Variants in CHD6 observed in about 807,000 individuals in gnomAD.
The protein encoded by CHD6 is ATP-dependent chromatin remodeler CHD6.
CHD6 carries 50 observed loss-of-function variants against 276.9 expected under a neutral mutation model. The observed-to-expected ratio is 0.18, with a 90% CI of 0.14 to 0.23. CHD6 has a LOEUF of 0.23. Ranked by LOEUF, CHD6 falls within the 10% of genes least tolerant of loss-of-function variation. CHD6 has a pLI of 1.00. For synonymous variants in CHD6, 1,173 were observed against 1,229.3 expected (o/e 0.95, Z 0.96); for missense variants, 2,564 against 3,365.8 (o/e 0.76, Z 5.89).
chr20:41,547,833 T>C (rs2045072738), intron 2 of CHD6: 1 of 454,278 alleles, frequency 2.2e-6, no homozygotes, highest in Non-Finnish European at 4.3e-6. Flanking sequence ...GACTGACTAC[T>C]GCCCAGTCTG....
intron 1 of CHD6, among the ~76,000 whole-genome samples, chr20:41,591,373 T>TACACAC (rs1436245685): frequency 2.5e-5 from 3 of 120,078 alleles, no homozygotes. Context: ...TACATATATA[T>TACACAC]ATATATACAC....
Position 41,415,279 on chromosome 20 carries a change from T to G in CHD6, c.6846A>C (p.Ala2282=). The change falls in exon 34 of 37, where the codon GCA becomes GCC. Residue 2282 remains alanine (A), a synonymous_variant. Transcript: ENST00000373233. ...IVNGSLRRDD[A]ATRRRRGRRK... ...GCCTCCCTCTCCGCCTCCTCGTGGC[T>G]GCATCATCTCTTCTGAGGCTTCCAT... 1.2e-6 allele frequency: 2 copies of G among 1,614,214 alleles called. No individual in the cohort carries two copies. The highest frequency in any genetic ancestry group is 1.1e-5 in the South Asian group (1 of 91,084).
At chr20:41,612,327 CTT>C (rs2146309261) in intron 1 of CHD6, among the ~76,000 whole-genome samples, 2 of 152,272 alleles carry the variant, frequency 1.3e-5, no homozygotes, top group East Asian at 3.9e-4. Context: ...TTAATGACCT[CTT>C]TCATATCCTC....
chr20:41,515,875 G>C (rs74586053), intron 3 of CHD6, among the ~76,000 whole-genome samples: 1 of 152,172 alleles, frequency 6.6e-6, no homozygotes, highest in Admixed American at 6.5e-5. Context: ...TGCATAGTAA[G>C]TATTCAATTA....
chr20:41,545,758 G>A (rs2045027551), intron 2 of CHD6, among the ~76,000 whole-genome samples: 1 of 152,008 alleles, frequency 6.6e-6, no homozygotes, highest in African/African-American at 2.4e-5. Context: ...CCACACACTA[G>A]GCCTTTCCTT....
intron 5 of CHD6, among the ~76,000 whole-genome samples, chr20:41,511,425 T>TC (rs111705800): frequency 6.6e-6 from 1 of 152,076 alleles, no homozygotes; most frequent in Non-Finnish European, 1.5e-5. Flanking sequence ...CCTCTTTTTT[T>TC]CAACATTTAA....
chr20:41,461,386 G>C (rs879933697), intron 17 of CHD6, among the ~76,000 whole-genome samples: 8 of 152,128 alleles, frequency 5.3e-5, no homozygotes, highest in Non-Finnish European at 1.0e-4. Flanking sequence ...AACTTGAATT[G>C]TATCTCCCAG....
At position 41,404,979 on chromosome 20, in the gene CHD6, G is replaced by A; in HGVS notation, c.7762C>T (p.Pro2588Ser). The A allele has an allele frequency of 1.2e-6, 2 of 1,614,214 alleles. No homozygotes were observed. The highest frequency in any genetic ancestry group is 1.1e-5 in the South Asian group (1 of 91,088). The change falls in exon 37 of 37, where the codon CCT (proline) becomes TCT (serine). Residue 2588 changes from proline to serine, a missense_variant. Coordinates refer to ENST00000373233, the MANE Select transcript of CHD6 (RefSeq NM_032221.5). Reference protein sequence around the residue: ...VKTDTLAEDKPGPGPFSDQSE... With the variant: ...VKTDTLAEDKSGPGPFSDQSE... ...TGATCAGAAAATGGACCTGGACCAG[G>A]CTTGTCCTCAGCTAAAGTGTCTGTT...
intron 1 of CHD6, among the ~76,000 whole-genome samples, chr20:41,577,376 G>T: frequency 6.6e-6 from 1 of 152,144 alleles, no homozygotes; most frequent in East Asian, 1.9e-4. Flanking sequence ...AGAGTCCAAA[G>T]GTCAGAGTGG....
At chr20:41,519,944 C>G (rs567220451) in intron 3 of CHD6, among the ~76,000 whole-genome samples, 4 of 152,106 alleles carry the variant, frequency 2.6e-5, no homozygotes, top group Admixed American at 1.3e-4. Context: ...GGCTAATATC[C>G]AGAATCAGCA....
At position 41,522,675 on chromosome 20, in the gene CHD6, A is replaced by C. The variant is rs558862110; in HGVS notation, c.555-7723T>G. Reference sequence around the variant, plus strand: ...GCGTGCGCGCACACACACATACATAAATAGATATTTATTGAAATAAGTTTA... The same window carrying C: ...GCGTGCGCGCACACACACATACATACATAGATATTTATTGAAATAAGTTTA... On this transcript the variant is annotated intron_variant, in intron 3 of 36. Coordinates refer to ENST00000373233, the MANE Select transcript of CHD6 (RefSeq NM_032221.5). 9.9e-5 allele frequency among the ~76,000 whole-genome samples: 15 copies of C among 151,876 alleles called. No homozygotes were observed. In the East Asian group the frequency reaches 2.7e-3, roughly 27 times the overall value.
chr20:41,429,615 T>C (rs2047471586), intron 27 of CHD6, among the ~76,000 whole-genome samples: 1 of 152,256 alleles, frequency 6.6e-6, no homozygotes, highest in South Asian at 2.1e-4. Context: ...GAAATTAAGG[T>C]CATGAGCTGG....
intron 2 of CHD6, among the ~76,000 whole-genome samples, chr20:41,546,732 C>T (rs1015670976): frequency 6.6e-6 from 1 of 152,096 alleles, no homozygotes; most frequent in Non-Finnish European, 1.5e-5. Flanking sequence ...CCTAATAATG[C>T]TTAGTCATCT....
chr20:41,608,924 A>T (rs1046713646), intron 1 of CHD6, among the ~76,000 whole-genome samples: 5 of 152,242 alleles, frequency 3.3e-5, no homozygotes, highest in Admixed American at 2.0e-4. Flanking sequence ...CTGCAGACAC[A>T]AAGTGCAGAT....
intron 1 of CHD6, among the ~76,000 whole-genome samples, chr20:41,564,808 A>G (rs2045338176): frequency 6.6e-6 from 1 of 152,214 alleles, no homozygotes. Flanking sequence ...AGGCAGGTGA[A>G]GTTTGGGGCT....
At chr20:41,559,770 C>T (rs1441161151) in intron 1 of CHD6, among the ~76,000 whole-genome samples, 6 of 152,078 alleles carry the variant, frequency 3.9e-5, no homozygotes, top group Admixed American at 2.0e-4. Context: ...CTCTATGTGG[C>T]TATATCCAAC....
intron 26 of CHD6, 70 bp from the exon 27 acceptor site, chr20:41,437,404 G>T: frequency 2.0e-6 from 2 of 990,656 alleles, no homozygotes; most frequent in South Asian, 1.5e-5. Flanking sequence ...AGTTACCCTG[G>T]TCAACCACAG....
At chr20:41,492,255 G>C (rs2043573535) in intron 10 of CHD6, among the ~76,000 whole-genome samples, 1 of 152,164 alleles carries the variant, frequency 6.6e-6, no homozygotes, top group Non-Finnish European at 1.5e-5. Flanking sequence ...CTGACAAGTT[G>C]AATTAAAAGC....
intron 3 of CHD6, among the ~76,000 whole-genome samples, chr20:41,522,698 TTATAA>T (rs1170165564): frequency 2.0e-5 from 3 of 151,924 alleles, no homozygotes; most frequent in East Asian, 1.9e-4. Flanking sequence ...TGAAATAAGT[TTATAA>T]TATAAGTATA....
Sources: gnomAD v4.1 joint callset for allele counts (sites outside exome capture counted in the v4.1 genomes callset) on GRCh38, gnomAD v4.1.1 for gene constraint, MANE v1.5 for transcripts, NCBI Gene and HGNC (gene_info 2026-07-23, HGNC 2026-07-21) for gene names.